The following ANXA7 variants were observed in gnomAD, a reference collection of about 807,000 sequenced individuals.
ANXA7 encodes the protein annexin A7.
Under a neutral mutation model 64.9 loss-of-function variants are expected in ANXA7, and 55 were observed. That is an observed-to-expected ratio of 0.85 (90% CI 0.68 to 1.06). The LOEUF (loss-of-function observed/expected upper bound fraction) is 1.06. Ranked by LOEUF, ANXA7 falls within the 50% of genes least tolerant of loss-of-function variation. The probability of loss-of-function intolerance (pLI) is 0.00; values close to 1 mark genes in which losing one functional copy is unlikely to be tolerated. For synonymous variants in ANXA7, 200 were observed against 192.4 expected (o/e 1.04, Z -0.33); for missense variants, 548 against 582.1 (o/e 0.94, Z 0.60).
Position 73,378,973 on chromosome 10 carries a change from C to A in ANXA7, c.1216G>T (p.Ala406Ser). The A allele has an allele frequency of 1.2e-6, 2 of 1,613,690 alleles. No individual in the cohort carries two copies. The highest frequency in any genetic ancestry group is 1.7e-6 in the Non-Finnish European group (2 of 1,179,792). Reference protein sequence around the residue: ...PAFFAERLYYAMKGAGTDDST... With the variant: ...PAFFAERLYYSMKGAGTDDST... ...TCATCTGTGCCAGCACCTTTCATAG[C>A]ATAGTAGAGCCTCTCAGCAAAGAAG... The change falls in exon 12 of 13, where the codon GCT becomes TCT. Residue 406 changes from alanine to serine, a missense_variant. Transcript: ENST00000372921.
Position 73,397,272 on chromosome 10 carries a change from G to C in ANXA7, c.262C>G (p.Pro88Ala), listed in dbSNP as rs769586388. 3 of 1,604,124 alleles carry C rather than the reference G, an allele frequency of 1.9e-6. No homozygotes were observed. The highest frequency in any genetic ancestry group is 3.4e-5 in the Admixed American group (2 of 59,420). Residue 88 changes from proline (P) to alanine (A), a missense_variant and splice_region_variant, in exon 4 of 13, where the codon CCT becomes GCT. Physicochemically the swap from Pro to Ala is conservative, Grantham distance 27 (BLOSUM62 -1). Transcript: ENST00000372921. ...PGGAPSYPGV[P>A]PGQGFGVPPG... The stretch of plus-strand genomic sequence containing the variant: ...GGGACTCCAAATCCTTGGCCTGGAG[G>C]AACTAGAGAAAAGAACATGTCAATA...
chr10:73,379,043 G>A lies in ANXA7; in HGVS notation c.1166-20C>T. 1.3e-6 allele frequency: 2 copies of A among 1,545,256 alleles called. No homozygotes were observed. The highest frequency in any genetic ancestry group is 1.8e-6 in the Non-Finnish European group (2 of 1,126,744). ...ACTGCACTGCAAGTTAGAGATGGTT[G>A]AGACATGGAATCATGATCTCACAAG... On this transcript the variant is annotated intron_variant, in intron 11 of 12. Transcript: ENST00000372921.
chr10:73,413,645 C>T (rs1356183189), intron 1 of ANXA7, among the ~76,000 whole-genome samples: 1 of 152,254 alleles, frequency 6.6e-6, no homozygotes, highest in African/African-American at 2.4e-5. Flanking sequence ...ACAGCCACTA[C>T]CAGCCAGACG....
At position 73,383,653 on chromosome 10, in the gene ANXA7, T is replaced by C. The variant is rs767501517; in HGVS notation, c.671A>G (p.Asn224Ser). The stretch of plus-strand genomic sequence containing the variant: ...GAGGGCCAGGATCAGTTCTTCCATA[T>C]TTCCACTTAACTCTGATTTGAGATC... ...IKDLKSELSG[N>S]MEELILALFM... The change falls in exon 8 of 13, where the codon AAT becomes AGT. Residue 224 changes from asparagine (N) to serine (S), a missense_variant. Coordinates refer to ENST00000372921, the MANE Select transcript of ANXA7 (RefSeq NM_001156.5). The C allele has an allele frequency of 1.9e-6, 3 of 1,613,694 alleles. No individual in the cohort carries two copies. The highest frequency in any genetic ancestry group is 2.5e-6 in the Non-Finnish European group (3 of 1,179,634).
intron 5 of ANXA7, among the ~76,000 whole-genome samples, chr10:73,390,250 T>C (rs1030459650): frequency 1.3e-5 from 2 of 152,190 alleles, no homozygotes. Flanking sequence ...AATACAGCAG[T>C]ACACCAGCAT....
At chr10:73,405,153 GA>G (rs2055732976) in intron 1 of ANXA7, among the ~76,000 whole-genome samples, 1 of 149,584 alleles carries the variant, frequency 6.7e-6, no homozygotes, top group African/African-American at 2.5e-5. Context: ...TGAGGCAGGA[GA>G]ACCCCTTGAA....
At chr10:73,402,473 A>G (rs779522571) in intron 1 of ANXA7, among the ~76,000 whole-genome samples, 1 of 152,220 alleles carries the variant, frequency 6.6e-6, no homozygotes, top group Non-Finnish European at 1.5e-5. Flanking sequence ...AAGTGCTGGG[A>G]TTACAGGCCT....
At chr10:73,397,928 T>TA (rs928118432) in intron 3 of ANXA7, among the ~76,000 whole-genome samples, 1 of 152,190 alleles carries the variant, frequency 6.6e-6, no homozygotes, top group African/African-American at 2.4e-5. Flanking sequence ...AGCAAAGTGT[T>TA]ACATATTGGT....
chr10:73,399,112 G>C (rs954493373), intron 2 of ANXA7, among the ~76,000 whole-genome samples: 1 of 152,100 alleles, frequency 6.6e-6, no homozygotes, highest in Non-Finnish European at 1.5e-5. Context: ...CCACCCATAA[G>C]CAGAGGATCC....
At chr10:73,404,317 C>T (rs2132695972) in intron 1 of ANXA7, among the ~76,000 whole-genome samples, 1 of 152,214 alleles carries the variant, frequency 6.6e-6, no homozygotes, top group African/African-American at 2.4e-5. Flanking sequence ...GCAGTCTGTA[C>T]CAGAAAGTTT....
intron 12 of ANXA7, among the ~76,000 whole-genome samples, chr10:73,376,705 CAGATATTTGTACATCCATGT>C (rs928386143): frequency 2.0e-4 from 30 of 151,996 alleles, no homozygotes; most frequent in Middle Eastern, 3.4e-3. Flanking sequence ...TAGACTTGAA[CAGATATTTGTACATCCATGT>C]TCATAGCAGC....
At chr10:73,402,457 C>T (rs11000644) in intron 1 of ANXA7, among the ~76,000 whole-genome samples, 15,849 of 152,214 alleles carry the variant, frequency 0.1, 1,189 homozygotes, top group East Asian at 0.3. Flanking sequence ...CTGCTTCAGC[C>T]TCTCAAAGTG....
intron 12 of ANXA7, among the ~76,000 whole-genome samples, chr10:73,378,222 C>G (rs1322331306): frequency 1.3e-5 from 2 of 151,292 alleles, no homozygotes; most frequent in Non-Finnish European, 3.0e-5. Flanking sequence ...CAAAAAAATA[C>G]AAAAACTTAG....
rs2055667115 is a variant in ANXA7, at chr10:73,401,621, TC to T, written c.-1-765del. ...TCCAAGTGATTCTCCTGCCTCAGCC[TC>T]CCGAGTAGCTGGGATTACAGGCGTC... is the stretch of plus-strand genomic sequence containing the variant. On this transcript the variant is annotated intron_variant, in intron 1 of 12. Transcript: ENST00000372921. Among the ~76,000 whole-genome samples, 2 of 152,180 alleles carry T rather than the reference TC, an allele frequency of 1.3e-5. 1 individual carries two copies.
intron 1 of ANXA7, among the ~76,000 whole-genome samples, chr10:73,412,128 C>T (rs556248135): frequency 6.6e-6 from 1 of 152,262 alleles, no homozygotes; most frequent in Non-Finnish European, 1.5e-5. Flanking sequence ...CCTCCGCCTC[C>T]GGGGTTCAAG....
chr10:73,410,999 T>C (rs991213914), intron 1 of ANXA7, among the ~76,000 whole-genome samples: 1 of 152,154 alleles, frequency 6.6e-6, no homozygotes, highest in African/African-American at 2.4e-5. Context: ...TGCACATGTA[T>C]ATTTATAGCA....
intron 2 of ANXA7, among the ~76,000 whole-genome samples, chr10:73,400,104 C>A (rs2055637447): frequency 6.6e-6 from 1 of 152,168 alleles, no homozygotes; most frequent in South Asian, 2.1e-4. Flanking sequence ...GATCACACCA[C>A]TGCACTCCAG....
intron 9 of ANXA7, among the ~76,000 whole-genome samples, chr10:73,380,888 C>T (rs2055264533): frequency 6.6e-6 from 1 of 152,110 alleles, no homozygotes; most frequent in South Asian, 2.1e-4. Flanking sequence ...GACTAAGAGA[C>T]ATTAAGCACT....
chr10:73,395,495 G>T (rs749026655), intron 5 of ANXA7, among the ~76,000 whole-genome samples: 1 of 152,102 alleles, frequency 6.6e-6, no homozygotes, highest in Non-Finnish European at 1.5e-5. Flanking sequence ...ATTAAAATAA[G>T]AAGCCAGGCC....
Sources: gnomAD v4.1 joint callset for allele counts (sites outside exome capture counted in the v4.1 genomes callset) on GRCh38, gnomAD v4.1.1 for gene constraint, MANE v1.5 for transcripts, NCBI Gene and HGNC (gene_info 2026-07-23, HGNC 2026-07-21) for gene names.